RAB4A: variants seen among roughly 807,000 people sequenced by gnomAD.
The protein encoded by RAB4A is ras-related protein Rab-4A.
A neutral mutation model predicts 34.5 loss-of-function variants in RAB4A; 20 were observed. The ratio of observed to expected loss-of-function variants is 0.58; its 90% CI spans 0.41 to 0.84. RAB4A has a LOEUF of 0.84. RAB4A is among the 40% of genes least tolerant of loss of function. The pLI, the probability that RAB4A is intolerant of heterozygous loss-of-function variation, is 0.00. For synonymous variants in RAB4A, 102 were observed against 100.0 expected, an observed-to-expected ratio of 1.02 and a Z score of -0.12; for missense variants, 228 against 274.5, an observed-to-expected ratio of 0.83 and a Z score of 1.20.
chr1:229,298,875 T>C, intron 5 of RAB4A, 102 bp from the exon 6 acceptor site: 1 of 794,298 alleles, frequency 1.3e-6, no homozygotes, highest in Admixed American at 2.4e-5. Context: ...TCATAAATTA[T>C]ATTTCGTCTG....
Position 229,302,685 on chromosome 1 carries a change from C to G in RAB4A, c.542-177C>G, listed in dbSNP as rs368243443. On this transcript the variant is annotated intron_variant, in intron 6 of 7. Transcript: ENST00000366690. Reference sequence around the variant, plus strand: ...TCCGAATCAGCCGTTCCTTATGTATCCTGCTAGAGATGTTTTGTGCCGGTG... The same window carrying G: ...TCCGAATCAGCCGTTCCTTATGTATGCTGCTAGAGATGTTTTGTGCCGGTG... 9.2e-5 allele frequency among the ~76,000 whole-genome samples: 14 copies of G among 151,758 alleles called. No individual in the cohort carries two copies. The East Asian group carries it at 1.6e-3, about 17-fold the overall frequency.
chr1:229,288,872 T>C lies in RAB4A; in HGVS notation c.227+29T>C, dbSNP rs531169837. On this transcript the variant is annotated intron_variant, in intron 3 of 7. Coordinates refer to ENST00000366690, the MANE Select transcript of RAB4A (RefSeq NM_004578.4). ...GCTTTTCTCTAACTTAATAAAAATA[T>C]TTGAAAATTTGATTTAAAATAATTG... 4.7e-6 allele frequency: 6 copies of C among 1,275,404 alleles called. No homozygotes were observed. The South Asian group carries it at 7.6e-5, about 16-fold the overall frequency. The allele number at this position is 1,275,404 out of a possible 1,614,324, so 79.0% of individuals were successfully genotyped here. A position where few individuals can be genotyped will look rare whatever the true frequency, so the allele number is the denominator to read the frequency against.
chr1:229,274,352 AC>A (rs1251637233), intron 1 of RAB4A, among the ~76,000 whole-genome samples: 1 of 152,016 alleles, frequency 6.6e-6, no homozygotes, highest in African/African-American at 2.4e-5. Context: ...GGCATGAGCC[AC>A]TGTGCCCTGC....
intron 1 of RAB4A, among the ~76,000 whole-genome samples, chr1:229,285,721 C>T (rs1038535066): frequency 1.3e-5 from 2 of 152,078 alleles, no homozygotes; most frequent in Non-Finnish European, 2.9e-5. Flanking sequence ...AGCTCCTAAG[C>T]TCCTAAGCTA....
intron 1 of RAB4A, among the ~76,000 whole-genome samples, chr1:229,283,571 C>T (rs1487141841): frequency 6.6e-6 from 1 of 152,086 alleles, no homozygotes; most frequent in Admixed American, 6.5e-5. Context: ...CATCCATTGG[C>T]ATTTCTGGGT....
chr1:229,293,328 T>C (rs1321377110), intron 3 of RAB4A, among the ~76,000 whole-genome samples: 3 of 152,090 alleles, frequency 2.0e-5, no homozygotes, highest in Non-Finnish European at 4.4e-5. Context: ...TCCTCTTTCC[T>C]CCCCAGAGGG....
chr1:229,300,662 TG>T (rs1210990756), intron 6 of RAB4A, among the ~76,000 whole-genome samples: 1 of 151,952 alleles, frequency 6.6e-6, no homozygotes, highest in African/African-American at 2.4e-5. Flanking sequence ...GGAGTAAAGA[TG>T]GCTCTGTTGC....
At position 229,279,306 on chromosome 1, in the gene RAB4A, C is replaced by T. The variant is rs189525024; in HGVS notation, c.32-7180C>T. ...ACTAGGAAGGCAGAGGTCATCGTGT[C>T]TGCTGAATATGGCTTAATTTTCTTG... On this transcript the variant is annotated intron_variant, in intron 1 of 7. Transcript: ENST00000366690. 1.8e-4 allele frequency among the ~76,000 whole-genome samples: 27 copies of T among 152,354 alleles called. No homozygotes were observed. In the East Asian group the frequency reaches 5.0e-3, roughly 28 times the overall value.
intron 6 of RAB4A, among the ~76,000 whole-genome samples, chr1:229,301,881 T>C (rs1253641888): frequency 2.0e-5 from 3 of 151,940 alleles, no homozygotes; most frequent in African/African-American, 7.3e-5. Flanking sequence ...AAGGTACATA[T>C]ATATAACATA....
At chr1:229,291,735 G>T (rs1399409025) in intron 3 of RAB4A, among the ~76,000 whole-genome samples, 1 of 152,078 alleles carries the variant, frequency 6.6e-6, no homozygotes, top group African/African-American at 2.4e-5. Flanking sequence ...GGAGAGTAGG[G>T]CTCCCAGAGA....
Position 229,271,330 on chromosome 1 carries a change from C to T in RAB4A, c.-10C>T, listed in dbSNP as rs375093875. ...CCGGTGACCCGGCGAGAGGCGGCGC[C>T]GCTCCCAAGATGTCGCAGACGGCCA... On this transcript the variant is annotated 5_prime_UTR_variant, in exon 1 of 8. Transcript: ENST00000366690. 9 of 1,311,864 alleles carry T rather than the reference C, an allele frequency of 6.9e-6. No homozygotes were observed. The East Asian group carries it at 2.9e-4, about 42-fold the overall frequency. 81.3% of individuals were successfully genotyped at this position (1,311,864 alleles called of 1,614,324 possible). A position where few individuals can be genotyped will look rare whatever the true frequency, so the allele number is the denominator to read the frequency against.
Position 229,305,373 on chromosome 1 carries a change from CT to C in RAB4A, c.*1582del. 7.9e-7 allele frequency: 1 copy of C among 1,265,278 alleles called. No individual in the cohort carries two copies. Among genetic ancestry groups the C allele is most frequent in the Non-Finnish European group, 1.1e-6 (1 of 939,920 alleles). The allele number at this position is 1,265,278 out of a possible 1,614,324, so 78.4% of individuals were successfully genotyped here. A position where few individuals can be genotyped will look rare whatever the true frequency, so the allele number is the denominator to read the frequency against. On this transcript the variant is annotated 3_prime_UTR_variant, in exon 8 of 8. Transcript: ENST00000366690. ...GAGCATGTCTATTCTAACACATCAG[CT>C]TATTCAAAAGCAAGAATTTTAAAAA...
intron 1 of RAB4A, among the ~76,000 whole-genome samples, chr1:229,274,494 C>T (rs1035680294): frequency 6.6e-6 from 1 of 152,226 alleles, no homozygotes; most frequent in African/African-American, 2.4e-5. Flanking sequence ...GAAGTCACCA[C>T]ATGAATACTG....
chr1:229,271,630 T>TG (rs1416890354), intron 1 of RAB4A, among the ~76,000 whole-genome samples: 3 of 152,212 alleles, frequency 2.0e-5, no homozygotes, highest in African/African-American at 7.2e-5. Context: ...AGTTTCCTCT[T>TG]GCTCTTTCTC....
chr1:229,272,062 C>T (rs547201314), intron 1 of RAB4A, among the ~76,000 whole-genome samples: 24 of 151,928 alleles, frequency 1.6e-4, no homozygotes, highest in Non-Finnish European at 3.2e-4. Flanking sequence ...CCTGGAGGTG[C>T]TTGACAAATA....
intron 3 of RAB4A, chr1:229,289,075 A>C: frequency 2.2e-6 from 1 of 446,988 alleles, no homozygotes; most frequent in Non-Finnish European, 4.0e-6. Context: ...ACTGCATTAT[A>C]ATTCGGAGGC....
intron 6 of RAB4A, among the ~76,000 whole-genome samples, chr1:229,300,757 T>A (rs1657364714): frequency 1.3e-5 from 2 of 151,980 alleles, no homozygotes. Flanking sequence ...GCTGGCAGTA[T>A]AAGTTTGGGA....
intron 1 of RAB4A, among the ~76,000 whole-genome samples, chr1:229,274,795 G>C (rs1363703281): frequency 1.3e-5 from 2 of 152,132 alleles, no homozygotes; most frequent in South Asian, 4.1e-4. Context: ...TTAAGTGCTG[G>C]GGCAGTTCGA....
intron 1 of RAB4A, among the ~76,000 whole-genome samples, chr1:229,285,784 T>C (rs1404495020): frequency 6.6e-6 from 1 of 152,200 alleles, no homozygotes; most frequent in Non-Finnish European, 1.5e-5. Context: ...TTAACATGGG[T>C]AATATGAAGT....
Sources: allele counts gnomAD v4.1 joint callset (sites outside exome capture counted in the v4.1 genomes callset), GRCh38; gene constraint gnomAD v4.1.1; transcripts MANE v1.5; gene names NCBI Gene and HGNC (gene_info 2026-07-23, HGNC 2026-07-21).